NUMB: variants seen among roughly 807,000 people sequenced by gnomAD.
NUMB encodes NUMB endocytic adaptor protein, also known as protein numb homolog.
Under a neutral mutation model 59.7 loss-of-function variants are expected in NUMB, and 29 were observed. The ratio of observed to expected loss-of-function variants is 0.49; its 90% CI spans 0.36 to 0.66. The LOEUF (loss-of-function observed/expected upper bound fraction) is 0.66, where lower values mean the gene tolerates loss of function less well. Ranked by LOEUF, NUMB falls within the 30% of genes least tolerant of loss-of-function variation. NUMB has a pLI of 0.00. For synonymous variants in NUMB, 288 were observed against 288.2 expected (o/e 1.00, Z 0.01); for missense variants, 723 against 822.0 (o/e 0.88, Z 1.47).
At chr14:73,334,626 A>T (rs888963183) in intron 4 of NUMB, among the ~76,000 whole-genome samples, 1 of 152,096 alleles carries the variant, frequency 6.6e-6, no homozygotes, top group Admixed American at 6.5e-5. Flanking sequence ...AGTTTCCTAG[A>T]ATATTTACAG....
At chr14:73,433,160 T>C (rs1313253895) in intron 1 of NUMB, among the ~76,000 whole-genome samples, 5 of 150,724 alleles carry the variant, frequency 3.3e-5, no homozygotes, top group South Asian at 2.1e-4. Flanking sequence ...TGAGCCAAGA[T>C]TGCAGCAAGC....
chr14:73,407,925 C>T (rs555637956), intron 2 of NUMB, among the ~76,000 whole-genome samples: 109 of 152,290 alleles, frequency 7.2e-4, no homozygotes, highest in African/African-American at 2.5e-3. Context: ...TTGCAGTTTT[C>T]TCATCCCACT....
intron 2 of NUMB, among the ~76,000 whole-genome samples, chr14:73,381,021 C>T (rs997401359): frequency 6.6e-6 from 1 of 152,130 alleles, no homozygotes; most frequent in African/African-American, 2.4e-5. Flanking sequence ...CTGCACCCGA[C>T]CTCAATTAGT....
intron 2 of NUMB, among the ~76,000 whole-genome samples, chr14:73,375,697 A>G (rs959075612): frequency 6.6e-6 from 1 of 152,238 alleles, no homozygotes. Flanking sequence ...ACATATAAAA[A>G]GAATTATACA....
At chr14:73,320,334 C>T (rs1359636226) in intron 5 of NUMB, among the ~76,000 whole-genome samples, 1 of 152,004 alleles carries the variant, frequency 6.6e-6, no homozygotes, top group Non-Finnish European at 1.5e-5. Context: ...GTCAATTTCC[C>T]CTCAAAGTTT....
chr14:73,388,532 G>A (rs1360330964), intron 2 of NUMB, among the ~76,000 whole-genome samples: 1 of 151,742 alleles, frequency 6.6e-6, no homozygotes, highest in East Asian at 1.9e-4. Flanking sequence ...CTAGGCTTAT[G>A]GCTGATCTAA....
chr14:73,389,292 AACAAAAAC>A (rs1311176140), intron 2 of NUMB, among the ~76,000 whole-genome samples: 15 of 103,600 alleles, frequency 1.4e-4, no homozygotes, highest in African/African-American at 5.9e-4. Flanking sequence ...AAAAAAAAAA[AACAAAAAC>A]AAAAACACTG....
At chr14:73,391,032 T>C (rs930415550) in intron 2 of NUMB, among the ~76,000 whole-genome samples, 2 of 143,668 alleles carry the variant, frequency 1.4e-5, no homozygotes, top group Non-Finnish European at 3.1e-5. Flanking sequence ...GTTGAATATA[T>C]TCAACCTCTA....
At chr14:73,285,671 A>C (rs2139812772) in intron 9 of NUMB, 1 of 152,294 alleles carries the variant, frequency 6.6e-6, no homozygotes, top group South Asian at 2.1e-4. Context: ...CACACCTGTA[A>C]TCCCAGCACT....
At chr14:73,285,882 C>A (rs997528011) in intron 9 of NUMB, among the ~76,000 whole-genome samples, 2 of 150,710 alleles carry the variant, frequency 1.3e-5, no homozygotes, top group African/African-American at 2.4e-5. Flanking sequence ...GCGGAGACTG[C>A]GCCACTACAT....
At chr14:73,425,839 C>G (rs1244759986) in intron 1 of NUMB, among the ~76,000 whole-genome samples, 2 of 143,904 alleles carry the variant, frequency 1.4e-5, no homozygotes, top group Non-Finnish European at 3.0e-5. Context: ...GACAGAGTCT[C>G]ACTCTGTCAC....
chr14:73,423,388 C>T (rs1289697646), intron 1 of NUMB, among the ~76,000 whole-genome samples: 1 of 151,376 alleles, frequency 6.6e-6, no homozygotes, highest in Admixed American at 6.6e-5. Context: ...CCTGTAATTC[C>T]AGCACTTTGG....
At chr14:73,301,241 T>C (rs17126649) in intron 6 of NUMB, among the ~76,000 whole-genome samples, 9,866 of 152,284 alleles carry the variant, frequency 0.065, 782 homozygotes, top group African/African-American at 0.18. Flanking sequence ...TCCTAAGATA[T>C]TTAAATTTGC....
At chr14:73,419,411 A>AG (rs1413787072) in intron 1 of NUMB, among the ~76,000 whole-genome samples, 2 of 152,164 alleles carry the variant, frequency 1.3e-5, no homozygotes, top group African/African-American at 4.8e-5. Context: ...TAGGAGGCTG[A>AG]GGCAGGAGAA....
chr14:73,444,655 C>T (rs1050107286), intron 1 of NUMB, among the ~76,000 whole-genome samples: 2 of 151,746 alleles, frequency 1.3e-5, no homozygotes, highest in Admixed American at 6.6e-5. Flanking sequence ...GTCAAGAGAT[C>T]GAGACTTTCC....
chr14:73,279,125 C>A (rs957050901), intron 12 of NUMB, among the ~76,000 whole-genome samples, 156 bp downstream of exon 12: 6 of 152,220 alleles, frequency 3.9e-5, no homozygotes, highest in South Asian at 4.1e-4. Flanking sequence ...TTCTCCTTCA[C>A]CATCCTTTCT....
In NUMB at chr14:73,412,628, A is replaced by G. The variant is rs562970622; in HGVS notation, c.-232-2560T>C. 6.6e-5 allele frequency among the ~76,000 whole-genome samples: 9 copies of G among 137,360 alleles called. No individual in the cohort carries two copies. The South Asian group carries it at 1.1e-3, about 17-fold the overall frequency. The allele number at this position is 137,360 out of a possible 152,430, so 90.1% of individuals were successfully genotyped here. ...GGCAACAAGAGCGAAACTCCGTCTC[A>G]AAAGAAAAAAAAAAAAAAAAAAGAG... On this transcript the variant is annotated intron_variant, in intron 1 of 12. Transcript: ENST00000555238.
intron 6 of NUMB, among the ~76,000 whole-genome samples, chr14:73,302,119 A>G (rs2139860035): frequency 6.6e-6 from 1 of 152,220 alleles, no homozygotes; most frequent in East Asian, 1.9e-4. Flanking sequence ...GTGCTTTTTG[A>G]GATAGGCCTT....
chr14:73,380,504 C>T (rs1895177713), intron 2 of NUMB, among the ~76,000 whole-genome samples: 2 of 152,110 alleles, frequency 1.3e-5, no homozygotes, highest in Non-Finnish European at 2.9e-5. Context: ...ACACATGTCA[C>T]TTTCATCATT....
Sources: allele counts gnomAD v4.1 joint callset (sites outside exome capture counted in the v4.1 genomes callset), GRCh38; gene constraint gnomAD v4.1.1; transcripts MANE v1.5; gene names NCBI Gene and HGNC (gene_info 2026-07-23, HGNC 2026-07-21).